MIOS: variants seen among roughly 807,000 people sequenced by gnomAD.
MIOS encodes meiosis regulator for oocyte development, also known as GATOR2 complex protein MIOS.
Under a neutral mutation model 96.9 loss-of-function variants are expected in MIOS, and 52 were observed. The observed-to-expected ratio is 0.54, with a 90% confidence interval of 0.43 to 0.68. The LOEUF (loss-of-function observed/expected upper bound fraction) is 0.68. Among genes scored for constraint, MIOS ranks in the 30% least tolerant of loss-of-function variants. The pLI is 0.00. For synonymous variants in MIOS, 397 were observed against 359.5 expected, an observed-to-expected ratio of 1.10 and a Z score of -1.18; for missense variants, 1,005 against 1,052.8, an observed-to-expected ratio of 0.95 and a Z score of 0.63.
chr7:7,578,298 G>A (rs1303615229), intron 5 of MIOS, among the ~76,000 whole-genome samples: 3 of 152,150 alleles, frequency 2.0e-5, no homozygotes, highest in Non-Finnish European at 4.4e-5. Flanking sequence ...TTATTAGTAG[G>A]TATAATTCCT....
chr7:7,589,752 C>G (rs957683680), intron 9 of MIOS, among the ~76,000 whole-genome samples, 189 bp downstream of exon 9: 3 of 152,126 alleles, frequency 2.0e-5, no homozygotes, highest in Non-Finnish European at 2.9e-5. Context: ...ATTGAGTTAT[C>G]CAGTTTTTCC....
At chr7:7,568,162 C>G (rs1489684272) in intron 3 of MIOS, 39 bp downstream of exon 3, 3 of 152,074 alleles carry the variant, frequency 2.0e-5, no homozygotes, top group African/African-American at 7.2e-5. Context: ...TTGCAGACCG[C>G]ACCCCTTCTA....
At chr7:7,600,855 A>G (rs1371403606) in intron 11 of MIOS, among the ~76,000 whole-genome samples, 5 of 152,342 alleles carry the variant, frequency 3.3e-5, no homozygotes, top group African/African-American at 1.2e-4. Context: ...AACAGAAATT[A>G]TAACAAACTG....
intron 7 of MIOS, among the ~76,000 whole-genome samples, chr7:7,587,535 C>A (rs1404235344): frequency 6.6e-6 from 1 of 152,156 alleles, no homozygotes; most frequent in Non-Finnish European, 1.5e-5. Flanking sequence ...CCTTGCTCTG[C>A]CCCATTTACC....
Position 7,585,692 on chromosome 7 carries a change from A to C in MIOS, c.1705A>C (p.Asn569His). 6.2e-7 allele frequency: 1 copy of C among 1,610,150 alleles called. No homozygotes were observed. Among genetic ancestry groups the C allele is most frequent in the Non-Finnish European group, 8.5e-7 (1 of 1,178,248 alleles). The change falls in exon 7 of 13, where the codon AAC becomes CAC. Residue 569 changes from asparagine (N) to histidine (H), a missense_variant. Physicochemically the swap from Asn to His is moderately conservative, Grantham distance 68. Transcript: ENST00000340080. ...TTTATCGGGTTATACGGATGAGAAG[A>C]ACTCCCTTTGGAGAGAAATGTGTAG... ...MALSGYTDEK[N>H]SLWREMCSTL... is the part of the protein sequence containing the mutation.
chr7:7,578,691 G>A (rs1344706486), intron 5 of MIOS, among the ~76,000 whole-genome samples: 4 of 151,918 alleles, frequency 2.6e-5, no homozygotes, highest in African/African-American at 9.7e-5. Flanking sequence ...TTGCTGATTT[G>A]AAAGAAATGT....
chr7:7,579,617 A>G (rs1007917773), intron 5 of MIOS, among the ~76,000 whole-genome samples: 1 of 152,234 alleles, frequency 6.6e-6, no homozygotes, highest in African/African-American at 2.4e-5. Context: ...TGGGCCACAC[A>G]TAAAATACAC....
chr7:7,587,741 T>C (rs151210987), intron 7 of MIOS, among the ~76,000 whole-genome samples: 334 of 152,254 alleles, frequency 2.2e-3, no homozygotes, highest in Non-Finnish European at 3.9e-3. Flanking sequence ...TGCTAAGATA[T>C]AGGTATCAAC....
In MIOS at chr7:7,589,386, A is replaced by G. The variant is rs1783983012; in HGVS notation, c.1885-19A>G. 6.2e-7 allele frequency: 1 copy of G among 1,610,004 alleles called. No individual in the cohort carries two copies. The stretch of plus-strand genomic sequence containing the variant: ...TAGTGAAACAGATTGCTTTAGAAAA[A>G]TCACTTTAAATTTTCCAGTTAAATA... On this transcript the variant is annotated intron_variant, in intron 8 of 12. Coordinates refer to ENST00000340080, the MANE Select transcript of MIOS (RefSeq NM_019005.4).
intron 11 of MIOS, among the ~76,000 whole-genome samples, chr7:7,597,039 T>G (rs571877234): frequency 6.6e-6 from 1 of 152,042 alleles, no homozygotes; most frequent in East Asian, 1.9e-4. Context: ...TATAAAAAAT[T>G]TTTTTGGCCG....
chr7:7,573,087 G>A lies in MIOS; in HGVS notation c.612G>A (p.Met204Ile), dbSNP rs1471123499. The A allele has an allele frequency of 3.7e-6, 6 of 1,614,028 alleles. No individual in the cohort carries two copies. The highest frequency in any genetic ancestry group is 1.3e-5 in the African/African-American group (1 of 74,998). The change falls in exon 4 of 13, where the codon ATG (methionine) becomes ATA (isoleucine). Residue 204 changes from methionine to isoleucine, a missense_variant. By Grantham distance (10) the Met-to-Ile change is conservative. Transcript: ENST00000340080. The surrounding 1 kb of genome is among the most constrained non-coding windows in gnomAD (Gnocchi z 5.0). ...PRDQKLLLAG[M>I]HRNLAIFDLR... ...ACCAGAAACTTCTCCTTGCTGGTAT[G>A]CATCGTAACCTAGCTATATTTGATC...
chr7:7,596,756 C>G lies in MIOS; in HGVS notation c.2401+295C>G, dbSNP rs76110676. 0.14 allele frequency among the ~76,000 whole-genome samples: 20,974 copies of G among 152,174 alleles called. 1,637 individuals are homozygous for G. Among genetic ancestry groups the G allele is most frequent in the East Asian group, 0.29 (1,499 of 5,168 alleles). The stretch of plus-strand genomic sequence containing the variant: ...TACCATTTTCTTATCACTGTTTCCA[C>G]TAAGAGGAGTTCGTTCAAATTTGAT... On this transcript the variant is annotated intron_variant, in intron 11 of 12. Transcript: ENST00000340080.
Position 7,573,376 on chromosome 7 carries a change from A to G in MIOS, c.901A>G (p.Thr301Ala). 1 of 1,614,152 alleles carries G rather than the reference A, an allele frequency of 6.2e-7. No individual in the cohort carries two copies. Among genetic ancestry groups the G allele is most frequent in the Non-Finnish European group, 8.5e-7 (1 of 1,179,978 alleles). Residue 301 changes from threonine (T) to alanine (A), a missense_variant, in exon 4 of 13, where the codon ACA becomes GCA. Physicochemically the swap from Thr to Ala is moderately conservative, Grantham distance 58. This residue lies in a region of MIOS where 865 missense variants were observed against 887.9 expected (regional missense o/e 0.97). Transcript: ENST00000340080. The surrounding 1 kb of genome is among the most constrained non-coding windows in gnomAD (Gnocchi z 5.0). ...TATTAGATTGTATGATATGCAGCATACACCCACTCCCATTGGGGATGAAAC... is the reference window on the plus strand; with the variant it reads ...TATTAGATTGTATGATATGCAGCATGCACCCACTCCCATTGGGGATGAAAC... ...NIIRLYDMQH[T>A]PTPIGDETEP... is the part of the protein sequence containing the mutation.
intron 10 of MIOS, among the ~76,000 whole-genome samples, chr7:7,595,410 T>A (rs1407220970): frequency 1.3e-5 from 2 of 152,226 alleles, no homozygotes; most frequent in African/African-American, 4.8e-5. Flanking sequence ...TATTACATTA[T>A]CTTATAAATT....
chr7:7,567,053 C>G lies in MIOS; in HGVS notation c.-240C>G, dbSNP rs1346134889. On this transcript the variant is annotated 5_prime_UTR_variant, in exon 1 of 13. Transcript: ENST00000340080. Reference sequence around the variant, plus strand: ...GTCCCGGCCGGAAGCGGCTGTGCGGCGGCCGCGCTGCCACCTCAGGTCAGT... The same window carrying G: ...GTCCCGGCCGGAAGCGGCTGTGCGGGGGCCGCGCTGCCACCTCAGGTCAGT... The G allele has an allele frequency of 6.6e-6, 1 of 151,918 alleles. No homozygotes were observed. The highest frequency in any genetic ancestry group is 1.5e-5 in the Non-Finnish European group (1 of 67,948). The allele number at this position is 151,918 out of a possible 1,614,324, so 9.4% of individuals were successfully genotyped here. A position where few individuals can be genotyped will look rare whatever the true frequency, so the allele number is the denominator to read the frequency against.
At chr7:7,606,323 A>G (rs1443972624) in intron 12 of MIOS, among the ~76,000 whole-genome samples, 1 of 152,222 alleles carries the variant, frequency 6.6e-6, no homozygotes, top group East Asian at 1.9e-4. Context: ...GAATAACATT[A>G]TTTAACTTTA....
intron 11 of MIOS, among the ~76,000 whole-genome samples, chr7:7,603,373 AAAAC>A (rs754250776): frequency 6.6e-6 from 1 of 151,712 alleles, no homozygotes; most frequent in Non-Finnish European, 1.5e-5. Context: ...TTACAAGAAA[AAAAC>A]AACCCCATCA....
chr7:7,578,430 TAGG>T (rs980723602), intron 5 of MIOS, among the ~76,000 whole-genome samples: 3 of 152,156 alleles, frequency 2.0e-5, no homozygotes, highest in Non-Finnish European at 4.4e-5. Context: ...GAGGTTGAGA[TAGG>T]AGGATCGCTT....
chr7:7,597,517 T>TATATATATATATAAA (rs372634070), intron 11 of MIOS, among the ~76,000 whole-genome samples: 22 of 70,422 alleles, frequency 3.1e-4, no homozygotes, highest in South Asian at 9.1e-4. Flanking sequence ...TATATATATA[T>TATATATATATATAAA]GAAGGCAATA....
Sources: gnomAD v4.1 joint callset for allele counts (sites outside exome capture counted in the v4.1 genomes callset) on GRCh38, gnomAD v4.1.1 for gene constraint, gnomAD v4.1.1 regional missense constraint, Gnocchi (gnomAD v3.1) non-coding constraint, MANE v1.5 for transcripts, NCBI Gene and HGNC (gene_info 2026-07-23, HGNC 2026-07-21) for gene names.